RIMS1: variants seen among roughly 807,000 people sequenced by gnomAD.
The protein encoded by RIMS1 is regulating synaptic membrane exocytosis 1.
Under a neutral mutation model 214.1 loss-of-function variants are expected in RIMS1, and 83 were observed. The observed-to-expected ratio is 0.39, with a 90% CI of 0.32 to 0.47. The LOEUF (loss-of-function observed/expected upper bound fraction) is 0.47. RIMS1 is among the 20% of genes least tolerant of loss of function. The pLI, the probability that RIMS1 is intolerant of heterozygous loss-of-function variation, is 0.99. For synonymous variants in RIMS1, 793 were observed against 786.8 expected (o/e 1.01, Z -0.13); for missense variants, 2,050 against 2,161.8 (o/e 0.95, Z 1.03).
intron 2 of RIMS1, among the ~76,000 whole-genome samples, chr6:71,983,510 A>G (rs1184412070): frequency 6.6e-6 from 1 of 152,076 alleles, no homozygotes; most frequent in Non-Finnish European, 1.5e-5. Context: ...CATAGGGACT[A>G]TGACTTTTTT....
chr6:72,062,276 T>C (rs77202496), intron 2 of RIMS1, among the ~76,000 whole-genome samples: 2 of 152,168 alleles, frequency 1.3e-5, no homozygotes, highest in Non-Finnish European at 1.5e-5. Flanking sequence ...GTTCAACTTA[T>C]TTGGTCTGTA....
At chr6:72,374,154 C>G (rs1199049529) in intron 29 of RIMS1, among the ~76,000 whole-genome samples, 1 of 152,136 alleles carries the variant, frequency 6.6e-6, no homozygotes, top group Non-Finnish European at 1.5e-5. Context: ...ACCTCGTGAT[C>G]CGCCCGCCTC....
chr6:72,225,930 G>A (rs550473849), intron 6 of RIMS1, among the ~76,000 whole-genome samples: 1 of 152,146 alleles, frequency 6.6e-6, no homozygotes, highest in African/African-American at 2.4e-5. Context: ...TAGGCCTCAG[G>A]TCATATTTAC....
chr6:72,214,427 C>T (rs2054835533), intron 6 of RIMS1, among the ~76,000 whole-genome samples: 1 of 152,002 alleles, frequency 6.6e-6, no homozygotes, highest in Non-Finnish European at 1.5e-5. Context: ...CAATTTGTTA[C>T]TATTTGATAA....
At position 72,290,700 on chromosome 6, in the gene RIMS1, T is replaced by C; in HGVS notation, c.3576T>C (p.Ser1192=). 1.9e-6 allele frequency: 3 copies of C among 1,613,648 alleles called. No homozygotes were observed. The highest frequency in any genetic ancestry group is 2.5e-6 in the Non-Finnish European group (3 of 1,179,682). ...TTAGGGTTCTCCCAACATGTCTTTC[T>C]AGAAGGGGACACGCAGCCCCAAGAG... The part of the protein sequence containing the change: ...DAERVLPTCL[S]RRGHAAPRAT... Residue 1192 remains serine, a synonymous_variant, in exon 25 of 34, where the codon TCT becomes TCC. Coordinates refer to ENST00000521978, the MANE Select transcript of RIMS1 (RefSeq NM_014989.7).
chr6:72,016,096 T>C (rs942984676), intron 2 of RIMS1, among the ~76,000 whole-genome samples: 1 of 152,228 alleles, frequency 6.6e-6, no homozygotes, highest in African/African-American at 2.4e-5. Context: ...TCTATGAATG[T>C]GATATATTAA....
intron 2 of RIMS1, among the ~76,000 whole-genome samples, chr6:72,011,121 CA>C (rs1485305047): frequency 2.0e-5 from 3 of 152,044 alleles, no homozygotes; most frequent in African/African-American, 7.3e-5. Context: ...GTACTGGTAC[CA>C]AAACAGAGAT....
Position 72,307,288 on chromosome 6 carries a change from A to G in RIMS1, c.3881A>G (p.Gln1294Arg). The part of the protein sequence containing the change: ...ASLVVEERTR[Q>R]MKMKVHRFKQ... Reference sequence around the variant, plus strand: ...TTAGTAGTGGAGGAGCGAACAAGACAGATGAAAATGAAAGTGCATCGATTT... The same window carrying G: ...TTAGTAGTGGAGGAGCGAACAAGACGGATGAAAATGAAAGTGCATCGATTT... Residue 1294 changes from glutamine (Q) to arginine (R), a missense_variant, in exon 27 of 34, where the codon CAG becomes CGG. Coordinates refer to ENST00000521978, the MANE Select transcript of RIMS1 (RefSeq NM_014989.7). 1.9e-6 allele frequency: 3 copies of G among 1,604,246 alleles called. No homozygotes were observed. The highest frequency in any genetic ancestry group is 2.6e-6 in the Non-Finnish European group (3 of 1,175,320).
chr6:72,217,831 A>G (rs1192095429), intron 6 of RIMS1, among the ~76,000 whole-genome samples: 3 of 152,212 alleles, frequency 2.0e-5, no homozygotes, highest in Admixed American at 2.0e-4. Flanking sequence ...CAAGACACAA[A>G]GAAGGAAAGA....
chr6:72,209,900 CAAAAAAAA>C (rs200401100), intron 6 of RIMS1, among the ~76,000 whole-genome samples: 1 of 115,826 alleles, frequency 8.6e-6, no homozygotes, highest in African/African-American at 2.8e-5. Flanking sequence ...GACTCTGTCT[CAAAAAAAA>C]AAAAAAAAAA....
chr6:72,076,041 C>T (rs1234928770), intron 2 of RIMS1, among the ~76,000 whole-genome samples: 1 of 152,104 alleles, frequency 6.6e-6, no homozygotes, highest in Non-Finnish European at 1.5e-5. Flanking sequence ...TAAATATTAA[C>T]TGGCAAGCTT....
At chr6:72,347,942 G>A (rs147612926) in intron 29 of RIMS1, among the ~76,000 whole-genome samples, 242 of 152,018 alleles carry the variant, frequency 1.6e-3, no homozygotes, top group Middle Eastern at 3.4e-3. Flanking sequence ...TAATGACCAC[G>A]CAACAGGTTT....
intron 4 of RIMS1, among the ~76,000 whole-genome samples, chr6:72,119,837 T>C (rs1403105381): frequency 6.6e-6 from 1 of 151,678 alleles, no homozygotes; most frequent in Non-Finnish European, 1.5e-5. Flanking sequence ...CTGTGTGTGA[T>C]GTTTCCCCTC....
chr6:72,316,190 T>C (rs2095785833), intron 28 of RIMS1, among the ~76,000 whole-genome samples: 1 of 152,134 alleles, frequency 6.6e-6, no homozygotes, highest in African/African-American at 2.4e-5. Context: ...AAAAAGGTGC[T>C]ACCTCCTTCC....
intron 4 of RIMS1, among the ~76,000 whole-genome samples, chr6:72,100,707 G>T (rs764515263): frequency 8.8e-4 from 90 of 102,192 alleles, no homozygotes; most frequent in African/African-American, 2.4e-3. Flanking sequence ...TTCATTTGGT[G>T]TAAACTTCCT....
intron 29 of RIMS1, among the ~76,000 whole-genome samples, chr6:72,374,061 C>T (rs1365637884): frequency 1.3e-5 from 2 of 152,064 alleles, no homozygotes; most frequent in Non-Finnish European, 2.9e-5. Flanking sequence ...ACTACAAGTA[C>T]GCACCACCAC....
intron 1 of RIMS1, among the ~76,000 whole-genome samples, chr6:71,913,851 TA>T (rs1777608076): frequency 6.6e-6 from 1 of 152,008 alleles, no homozygotes; most frequent in South Asian, 2.1e-4. Context: ...CAGCTGGGGT[TA>T]GGGTAAGAAG....
chr6:72,343,158 T>C (rs1379342043), intron 29 of RIMS1, among the ~76,000 whole-genome samples: 1 of 151,868 alleles, frequency 6.6e-6, no homozygotes. Flanking sequence ...GCTATTCTTT[T>C]GTCTTTCAAG....
intron 4 of RIMS1, among the ~76,000 whole-genome samples, chr6:72,111,323 A>C (rs573004226): frequency 8.5e-5 from 13 of 152,244 alleles, no homozygotes; most frequent in African/African-American, 2.9e-4. Context: ...TCCGTTAGTA[A>C]TATTTTTCAA....
Sources: gnomAD v4.1 joint callset for allele counts (sites outside exome capture counted in the v4.1 genomes callset) on GRCh38, gnomAD v4.1.1 for gene constraint, MANE v1.5 for transcripts, NCBI Gene and HGNC (gene_info 2026-07-23, HGNC 2026-07-21) for gene names.